Variants in TENT5D observed in about 807,000 individuals in gnomAD.
TENT5D encodes terminal nucleotidyltransferase 5D.
For missense variants in TENT5D, 191 were observed against 287.0 expected (o/e 0.67, Z 2.42); for synonymous variants, 103 against 100.6 (o/e 1.02, Z -0.15).
At chrX:80,374,193 G>A (rs1201571842) in intron 3 of TENT5D, among the ~76,000 whole-genome samples, 10 of 111,504 alleles carry the variant, frequency 9.0e-5, no homozygotes, top group East Asian at 8.4e-4. Flanking sequence ...TTTTGGCTGC[G>A]TAGTATTCCA....
At chrX:80,380,656 T>C (rs890496697) in intron 3 of TENT5D, among the ~76,000 whole-genome samples, 1 of 111,755 alleles carries the variant, frequency 8.9e-6, no homozygotes, top group Non-Finnish European at 1.9e-5. Context: ...ATTGGGCGCA[T>C]ATATATTTAG....
chrX:80,373,093 C>T (rs1296480083), intron 3 of TENT5D, among the ~76,000 whole-genome samples: 4 of 110,925 alleles, frequency 3.6e-5, no homozygotes, highest in Admixed American at 2.9e-4. Context: ...ATGTATGTTG[C>T]TATTGCCTAT....
chrX:80,385,067 A>T (rs1057089382), intron 3 of TENT5D, among the ~76,000 whole-genome samples: 12 of 111,552 alleles, frequency 1.1e-4, no homozygotes, highest in Non-Finnish European at 1.9e-4. Flanking sequence ...ATTGGAAAAA[A>T]CTACTTTAAA....
chrX:80,391,754 C>T (rs1185168826), intron 3 of TENT5D, among the ~76,000 whole-genome samples: 1 of 112,351 alleles, frequency 8.9e-6, no homozygotes, highest in African/African-American at 3.2e-5. Flanking sequence ...TGTGAAGATG[C>T]GGACTAAAAA....
At chrX:80,375,331 T>A (rs1930704409) in intron 3 of TENT5D, among the ~76,000 whole-genome samples, 1 of 111,513 alleles carries the variant, frequency 9.0e-6, no homozygotes, top group Non-Finnish European at 1.9e-5. Flanking sequence ...GTGTTGCTAG[T>A]TGACCTTTCG....
intron 3 of TENT5D, among the ~76,000 whole-genome samples, chrX:80,349,545 T>C (rs1244196570): frequency 9.0e-6 from 1 of 111,340 alleles, no homozygotes; most frequent in Non-Finnish European, 1.9e-5. Context: ...GATTCTTCTC[T>C]CTTTTCTTCT....
intron 3 of TENT5D, among the ~76,000 whole-genome samples, chrX:80,380,385 G>A (rs985119246): frequency 3.6e-5 from 4 of 110,822 alleles, no homozygotes; most frequent in African/African-American, 1.3e-4. Flanking sequence ...CCAACTATGT[G>A]GTCAGTTTTG....
chrX:80,352,024 G>A (rs529241750), intron 3 of TENT5D, among the ~76,000 whole-genome samples: 122 of 111,658 alleles, frequency 1.1e-3, no homozygotes, highest in Middle Eastern at 4.7e-3. Context: ...TGGAAGCTTC[G>A]TCCCAGAGGG....
At chrX:80,434,951 T>A in intron 1 of TENT5D, among the ~76,000 whole-genome samples, 1 of 109,440 alleles carries the variant, frequency 9.1e-6, no homozygotes, top group East Asian at 2.9e-4. Context: ...CCCAGCTAAT[T>A]TTTTTGTATT....
chrX:80,443,135 A>T, exon 3 of TENT5D: 16 of 1,211,086 alleles, frequency 1.3e-5, no homozygotes, highest in Non-Finnish European at 1.8e-5. Flanking sequence ...AAAGAATCCT[A>T]TCCTGTTGTG....
chrX:80,341,710 CTTTTTTT>C (rs1051286979), intron 2 of TENT5D, among the ~76,000 whole-genome samples: 1 of 91,445 alleles, frequency 1.1e-5, no homozygotes. Flanking sequence ...TAATTCTTTT[CTTTTTTT>C]TTTTTTTTTT....
At chrX:80,339,501 C>T (rs1929916249) in intron 2 of TENT5D, among the ~76,000 whole-genome samples, 1 of 110,945 alleles carries the variant, frequency 9.0e-6, no homozygotes, top group Non-Finnish European at 1.9e-5. Context: ...TAGAACTCTT[C>T]AAGTGACAAG....
chrX:80,364,531 CTTAAGAG>C, intron 3 of TENT5D, among the ~76,000 whole-genome samples: 1 of 110,555 alleles, frequency 9.0e-6, no homozygotes, highest in Non-Finnish European at 1.9e-5. Flanking sequence ...TATATATAAA[CTTAAGAG>C]TTTTAGTACA....
chrX:80,339,872 T>TATAGAGAG (rs1556039069), intron 2 of TENT5D, among the ~76,000 whole-genome samples: 2 of 103,913 alleles, frequency 1.9e-5, no homozygotes, highest in Admixed American at 2.1e-4. Flanking sequence ...TATATATATA[T>TATAGAGAG]AGAGAGAGAG....
intron 3 of TENT5D, among the ~76,000 whole-genome samples, chrX:80,359,314 A>G (rs994947005): frequency 1.8e-5 from 2 of 111,724 alleles, no homozygotes; most frequent in South Asian, 7.5e-4. Context: ...ATACCCAAAG[A>G]ATTATAAATC....
At chrX:80,360,981 G>A (rs1930397650) in intron 3 of TENT5D, among the ~76,000 whole-genome samples, 1 of 111,465 alleles carries the variant, frequency 9.0e-6, no homozygotes, top group Admixed American at 9.6e-5. Context: ...GTGGTCAGGT[G>A]ACTTGCCAAG....
chrX:80,396,754 T>C (rs1436486770), intron 3 of TENT5D, among the ~76,000 whole-genome samples: 1 of 100,242 alleles, frequency 1.0e-5, no homozygotes, highest in Non-Finnish European at 2.0e-5. Context: ...AAAACCACCA[T>C]TGTCATCATG....
At chrX:80,407,858 T>A (rs1419442507) in intron 3 of TENT5D, among the ~76,000 whole-genome samples, 8,842 of 105,315 alleles carry the variant, frequency 0.084, 442 homozygotes, top group African/African-American at 0.16. Context: ...GAAGTAAAGC[T>A]CTCCTCAGCA....
At chrX:80,414,114 A>G (rs1189513867) in intron 3 of TENT5D, among the ~76,000 whole-genome samples, 3 of 111,706 alleles carry the variant, frequency 2.7e-5, no homozygotes, top group Non-Finnish European at 5.6e-5. Flanking sequence ...AGCAAACTCA[A>G]ACTCCAGGAA....
Sources: gnomAD v4.1 joint callset for allele counts (sites outside exome capture counted in the v4.1 genomes callset) on GRCh38, gnomAD v4.1.1 for gene constraint, MANE v1.5 for transcripts, NCBI Gene and HGNC (gene_info 2026-07-23, HGNC 2026-07-21) for gene names.